The following ZNF736 variants were observed in gnomAD, a reference collection of about 807,000 sequenced individuals.
The protein encoded by ZNF736 is zinc finger protein 736.
In ZNF736, 6 loss-of-function variants were observed where a neutral mutation model predicts 11.7. The ratio of observed to expected loss-of-function variants is 0.51; its 90% CI spans 0.28 to 1.01. The LOEUF (loss-of-function observed/expected upper bound fraction) is 1.01. Among genes scored for constraint, ZNF736 ranks in the 50% least tolerant of loss-of-function variants. The pLI is 0.09. For synonymous variants in ZNF736, 139 were observed against 164.7 expected (o/e 0.84, Z 1.19); for missense variants, 444 against 496.0 (o/e 0.90, Z 1.00).
At chr7:64,329,213 A>C (rs1159173509) in intron 1 of ZNF736, among the ~76,000 whole-genome samples, 2 of 151,946 alleles carry the variant, frequency 1.3e-5, no homozygotes, top group Non-Finnish European at 2.9e-5. Context: ...TCCTGTCTGA[A>C]AGGTTACATA....
At position 64,319,488 on chromosome 7, in the gene ZNF736, C is replaced by CTTTTTTTTTTTTTTTTTT. The variant is rs1408764142; in HGVS notation, c.3+5335_3+5336insTTTTTTTTTTTTTTTTTT. 4.3e-4 allele frequency among the ~76,000 whole-genome samples: 32 copies of CTTTTTTTTTTTTTTTTTT among 75,266 alleles called. 13 individuals carry two copies. The highest frequency in any genetic ancestry group is 1.3e-3 in the African/African-American group (23 of 18,366). The allele number at this position is 75,266 out of a possible 152,430, so 49.4% of individuals were successfully genotyped here. ...CCAGGTAAATAGAAAACATTTCTTCCCTTTTTTTTTTTTTTTTTTTTTTTT... is the reference window on the plus strand; with the variant it reads ...CCAGGTAAATAGAAAACATTTCTTCCTTTTTTTTTTTTTTTTTTCTTTTTTTTTTTTTTTTTTTTTTTT... On this transcript the variant is annotated intron_variant, in intron 1 of 3. Coordinates refer to ENST00000423484, the MANE Select transcript of ZNF736 (RefSeq NM_001170905.3).
intron 3 of ZNF736, among the ~76,000 whole-genome samples, chr7:64,338,318 GAACA>G (rs1789288444): frequency 6.6e-6 from 1 of 152,092 alleles, no homozygotes; most frequent in African/African-American, 2.4e-5. Context: ...TCAAATTAAT[GAACA>G]AACACATTTA....
In ZNF736 at chr7:64,353,525, C is replaced by A. The variant is rs754198004; in HGVS notation, c.*4378C>A. On this transcript the variant is annotated 3_prime_UTR_variant, in exon 4 of 4. Transcript: ENST00000423484. ...AAATTTCAATATAATTTAACTCTTA[C>A]ATTTGATGCTGTGTCTTCATTTCTA... 6.6e-6 allele frequency: 1 copy of A among 152,194 alleles called. No homozygotes were observed. Among genetic ancestry groups the A allele is most frequent in the African/African-American group, 2.4e-5 (1 of 41,452 alleles). 9.4% of individuals were successfully genotyped at this position (152,194 alleles called of 1,614,324 possible). A position where few individuals can be genotyped will look rare whatever the true frequency, so the allele number is the denominator to read the frequency against.
intron 1 of ZNF736, among the ~76,000 whole-genome samples, chr7:64,327,001 G>T (rs931105855): frequency 1.3e-5 from 2 of 152,150 alleles, no homozygotes; most frequent in Admixed American, 1.3e-4. Flanking sequence ...AAGGGCTGAA[G>T]TGTAGCATTT....
chr7:64,343,621 T>C (rs12538556), intron 3 of ZNF736, among the ~76,000 whole-genome samples: 27,923 of 152,226 alleles, frequency 0.18, 2,870 homozygotes, highest in Non-Finnish European at 0.22. Context: ...GCAGTCACAG[T>C]TAAAATGCAT....
rs1438031046 is a variant in ZNF736, at chr7:64,349,217, C to T, written c.*70C>T. 1.6e-6 allele frequency: 2 copies of T among 1,257,360 alleles called. No individual in the cohort carries two copies. The highest frequency in any genetic ancestry group is 2.1e-6 in the Non-Finnish European group (2 of 931,814). 77.9% of individuals were successfully genotyped at this position (1,257,360 alleles called of 1,614,324 possible). ...TCTGAAATTTAATACTGAACAAATG[C>T]AGTATAAATGTAATGACAGTGGAAG... On this transcript the variant is annotated 3_prime_UTR_variant, in exon 4 of 4. Coordinates refer to ENST00000423484, the MANE Select transcript of ZNF736 (RefSeq NM_001170905.3).
rs535855346 is a variant in ZNF736 at position 64,349,299 on chromosome 7, A to G, written c.*152A>G. 1.4e-6 allele frequency: 1 copy of G among 693,804 alleles called. No individual in the cohort carries two copies. Among genetic ancestry groups the G allele is most frequent in the East Asian group, 2.7e-5 (1 of 36,398 alleles). The allele number at this position is 693,804 out of a possible 1,614,324, so 43.0% of individuals were successfully genotyped here. A position where few individuals can be genotyped will look rare whatever the true frequency, so the allele number is the denominator to read the frequency against. ...CTTACTTTATAATCTGGTTGCTTAT[A>G]TGTTGGGTACATATATAGCCCTTTG... On this transcript the variant is annotated 3_prime_UTR_variant, in exon 4 of 4. Coordinates refer to ENST00000423484, the MANE Select transcript of ZNF736 (RefSeq NM_001170905.3).
chr7:64,341,833 T>C (rs1361665001), intron 3 of ZNF736, among the ~76,000 whole-genome samples: 1 of 152,166 alleles, frequency 6.6e-6, no homozygotes, highest in Non-Finnish European at 1.5e-5. Flanking sequence ...ATTACTGGAA[T>C]GTGAAACGAG....
At chr7:64,316,519 G>A (rs970635317) in intron 1 of ZNF736, among the ~76,000 whole-genome samples, 4 of 152,196 alleles carry the variant, frequency 2.6e-5, no homozygotes, top group Admixed American at 6.5e-5. Flanking sequence ...CCACACAGGG[G>A]GCAAGTGCAG....
rs927717342 is a variant in ZNF736, at chr7:64,349,312, A to G, written c.*165A>G. The G allele has an allele frequency of 2.4e-5, 13 of 548,280 alleles. No homozygotes were observed. The African/African-American group carries it at 2.5e-4, about 10-fold the overall frequency. The allele number at this position is 548,280 out of a possible 1,614,324, so 34.0% of individuals were successfully genotyped here. A position where few individuals can be genotyped will look rare whatever the true frequency, so the allele number is the denominator to read the frequency against. ...CTGGTTGCTTATATGTTGGGTACATATATAGCCCTTTGCTATTATGTAATG... is the reference window on the plus strand; with the variant it reads ...CTGGTTGCTTATATGTTGGGTACATGTATAGCCCTTTGCTATTATGTAATG... On this transcript the variant is annotated 3_prime_UTR_variant, in exon 4 of 4. Transcript: ENST00000423484.
intron 1 of ZNF736, among the ~76,000 whole-genome samples, chr7:64,335,765 C>T (rs544647685): frequency 6.6e-6 from 1 of 152,148 alleles, no homozygotes; most frequent in Middle Eastern, 3.2e-3. Flanking sequence ...GAATTTTTGA[C>T]AAAATATTCT....
At chr7:64,343,367 C>G (rs1789364998) in intron 3 of ZNF736, among the ~76,000 whole-genome samples, 1 of 151,902 alleles carries the variant, frequency 6.6e-6, no homozygotes, top group African/African-American at 2.4e-5. Flanking sequence ...ATTGAGTATA[C>G]AAGGATATAA....
chr7:64,338,039 G>C (rs1213120925), intron 3 of ZNF736, among the ~76,000 whole-genome samples: 2 of 152,186 alleles, frequency 1.3e-5, no homozygotes, highest in Non-Finnish European at 2.9e-5. Flanking sequence ...ATAGGTATGA[G>C]CCACTGTGCC....
chr7:64,330,868 G>C (rs937395834), intron 1 of ZNF736, among the ~76,000 whole-genome samples: 1 of 151,218 alleles, frequency 6.6e-6, no homozygotes, highest in Non-Finnish European at 1.5e-5. Context: ...TAGAATAGGA[G>C]CCTCAGGGCT....
rs35033527 is a variant in ZNF736 at position 64,347,217 on chromosome 7, C to CTTTT, written c.227-852_227-849dup. On this transcript the variant is annotated intron_variant, in intron 3 of 3. Coordinates refer to ENST00000423484, the MANE Select transcript of ZNF736 (RefSeq NM_001170905.3). Reference sequence around the variant, plus strand: ...TGTTTTTTAGTTAAAAAATGTTCGCCTTTTTTTTTTTTTTTTTTTTTTTTG... The same window carrying CTTTT: ...TGTTTTTTAGTTAAAAAATGTTCGCCTTTTTTTTTTTTTTTTTTTTTTTTTTTTG... Among the ~76,000 whole-genome samples the CTTTT allele has an allele frequency of 5.3e-3, 295 of 55,840 alleles. 5 individuals carry two copies. Among genetic ancestry groups the CTTTT allele is most frequent in the African/African-American group, 0.012 (158 of 13,082 alleles). 36.6% of individuals were successfully genotyped at this position (55,840 alleles called of 152,430 possible). A position where few individuals can be genotyped will look rare whatever the true frequency, so the allele number is the denominator to read the frequency against.
chr7:64,328,740 C>T (rs567675363), intron 1 of ZNF736, among the ~76,000 whole-genome samples: 4 of 152,010 alleles, frequency 2.6e-5, no homozygotes, highest in Admixed American at 2.0e-4. Flanking sequence ...CCAGCCTGGG[C>T]GACAGAGCGA....
intron 3 of ZNF736, among the ~76,000 whole-genome samples, chr7:64,340,763 C>T (rs1260184618): frequency 3.3e-5 from 5 of 152,164 alleles, no homozygotes; most frequent in Admixed American, 1.3e-4. Context: ...GGGTAATGAA[C>T]ACCCTTACCT....
intron 3 of ZNF736, among the ~76,000 whole-genome samples, chr7:64,337,766 T>TTTTTTTTTTTTTG (rs1562673693): frequency 6.8e-6 from 1 of 147,016 alleles, no homozygotes; most frequent in Non-Finnish European, 1.5e-5. Context: ...GTTTTTTTTT[T>TTTTTTTTTTTTTG]TTTTTGAGAC....
At chr7:64,327,765 T>C (rs1049846388) in intron 1 of ZNF736, among the ~76,000 whole-genome samples, 4 of 152,166 alleles carry the variant, frequency 2.6e-5, no homozygotes, top group African/African-American at 9.7e-5. Context: ...TAACCCATTA[T>C]TTTAAACGGA....
Sources: allele counts gnomAD v4.1 joint callset (sites outside exome capture counted in the v4.1 genomes callset), GRCh38; gene constraint gnomAD v4.1.1; transcripts MANE v1.5; gene names NCBI Gene and HGNC (gene_info 2026-07-23, HGNC 2026-07-21).